MTCL1: variants seen among roughly 807,000 people sequenced by gnomAD.
MTCL1 encodes microtubule crosslinking factor 1.
A neutral mutation model predicts 141.4 loss-of-function variants in MTCL1; 79 were observed. That is an observed-to-expected ratio of 0.56 (90% CI 0.47 to 0.67). The LOEUF (loss-of-function observed/expected upper bound fraction) is 0.67. MTCL1 is among the 30% of genes least tolerant of loss of function. The pLI is 0.00. For missense variants in MTCL1, 2,177 were observed against 2,113.9 expected, an observed-to-expected ratio of 1.03 and a Z score of -0.59; for synonymous variants, 914 against 875.8, an observed-to-expected ratio of 1.04 and a Z score of -0.77.
chr18:8,821,542 G>A (rs752851869), intron 14 of MTCL1, 44 bp downstream of exon 13: 2 of 1,149,018 alleles, frequency 1.7e-6, no homozygotes, highest in East Asian at 2.5e-5. Flanking sequence ...GAATAAAAAT[G>A]TCTTGGTCTT....
At chr18:8,816,696 C>T (rs1180895402) in intron 12 of MTCL1, among the ~76,000 whole-genome samples, 2 of 129,768 alleles carry the variant, frequency 1.5e-5, no homozygotes, top group Non-Finnish European at 3.3e-5. Context: ...CTTTTAAAAA[C>T]TCCATTCTTT....
chr18:8,825,467 C>T (rs1293065428), exon 15 of MTCL1: 1 of 1,603,710 alleles, frequency 6.2e-7, no homozygotes, highest in Non-Finnish European at 8.5e-7. Flanking sequence ...CGATGGGGAC[C>T]CAGACTGTTC....
chr18:8,768,463 T>C (rs2096469480), intron 4 of MTCL1, among the ~76,000 whole-genome samples: 1 of 152,206 alleles, frequency 6.6e-6, no homozygotes, highest in Non-Finnish European at 1.5e-5. Flanking sequence ...TAAAGTCAAA[T>C]CAGAGGGTCT....
In MTCL1 at chr18:8,810,677, G is replaced by A. The variant is rs922495212; in HGVS notation, c.2605-2302G>A. Among the ~76,000 whole-genome samples, 1 of 152,140 alleles carries A rather than the reference G, an allele frequency of 6.6e-6. No homozygotes were observed. The highest frequency in any genetic ancestry group is 2.1e-4 in the South Asian group (1 of 4,816). On this transcript the variant is annotated intron_variant, in intron 11 of 16. Coordinates refer to ENST00000359865, the Ensembl canonical transcript of MTCL1. The surrounding 1 kb of genome is among the most constrained non-coding windows in gnomAD (Gnocchi z 5.0). ...AGCAGCTCTTTTAAACTGGGATTTT[G>A]TGGTGCTTGGTGCTTTTCTGGTAGT...
exon 15 of MTCL1, chr18:8,825,239 C>T: frequency 1.3e-6 from 2 of 1,596,522 alleles, no homozygotes; most frequent in South Asian, 1.1e-5. Flanking sequence ...GCACCTCCCC[C>T]AGGCACTCCC....
chr18:8,746,262 T>A (rs978344202), intron 4 of MTCL1, among the ~76,000 whole-genome samples: 4 of 152,214 alleles, frequency 2.6e-5, no homozygotes, highest in Non-Finnish European at 5.9e-5. Flanking sequence ...GGAAGTGGGA[T>A]TGCTGGATCA....
At chr18:8,776,286 T>G (rs2096508197) in intron 4 of MTCL1, among the ~76,000 whole-genome samples, 1 of 152,226 alleles carries the variant, frequency 6.6e-6, no homozygotes, top group South Asian at 2.1e-4. Context: ...CTAGCTTTCC[T>G]CAGGATTAAC....
At position 8,824,628 on chromosome 18, in the gene MTCL1, A is replaced by G. The variant is rs937252091; in HGVS notation, c.3189-71A>G. 4 of 1,339,546 alleles carry G rather than the reference A, an allele frequency of 3.0e-6. No homozygotes were observed. In the Admixed American group the frequency reaches 6.7e-5, roughly 23 times the overall value. 83.0% of individuals were successfully genotyped at this position (1,339,546 alleles called of 1,614,324 possible). A position where few individuals can be genotyped will look rare whatever the true frequency, so the allele number is the denominator to read the frequency against. ...TTCACTGACACTTCTCATGCAGGGC[A>G]GGACATGGGTGTTGTGGTGTGTCAG... On this transcript the variant is annotated intron_variant, in intron 14 of 16. Transcript: ENST00000359865.
At chr18:8,809,339 G>C in intron 11 of MTCL1, 1 of 1,351,610 alleles carries the variant, frequency 7.4e-7, no homozygotes, top group Non-Finnish European at 1.0e-6. Context: ...CATGTCCTCC[G>C]GTTATAAACA....
chr18:8,831,079 T>C lies in MTCL1; in HGVS notation c.*19-528T>C, dbSNP rs146039106. The C allele has an allele frequency of 1.0e-4, 102 of 986,000 alleles. No homozygotes were observed. In the East Asian group the frequency reaches 9.5e-3, roughly 92 times the overall value. 61.1% of individuals were successfully genotyped at this position (986,000 alleles called of 1,614,324 possible). ...GGGAGTTTGTTTAAGCTACTCCCAG[T>C]CAATTTCAAATAAACAGTAGCAGAG... On this transcript the variant is annotated intron_variant, in intron 16 of 16. Transcript: ENST00000359865.
chr18:8,772,032 C>T (rs1027345582), intron 4 of MTCL1, among the ~76,000 whole-genome samples: 1 of 152,224 alleles, frequency 6.6e-6, no homozygotes, highest in South Asian at 2.1e-4. Flanking sequence ...ACCCAGAGTC[C>T]GGTGGCATCT....
chr18:8,754,601 G>A (rs142061605), intron 4 of MTCL1, among the ~76,000 whole-genome samples: 9 of 152,256 alleles, frequency 5.9e-5, no homozygotes, highest in South Asian at 2.1e-4. Flanking sequence ...GAACCAAGTC[G>A]TTTTGTAAGA....
chr18:8,825,093 A>G (rs1303831623), exon 15 of MTCL1: 8 of 1,608,022 alleles, frequency 5.0e-6, no homozygotes, highest in Non-Finnish European at 6.8e-6. Flanking sequence ...CGTGTTACAC[A>G]GCCCGCCTGC....
intron 12 of MTCL1, among the ~76,000 whole-genome samples, chr18:8,818,523 GATTC>G (rs759671084): frequency 2.0e-5 from 3 of 152,330 alleles, no homozygotes; most frequent in African/African-American, 7.2e-5. Flanking sequence ...AGGAAAATCA[GATTC>G]ACACTCAGAA....
Position 8,718,405 on chromosome 18 carries a change from C to T in MTCL1, c.-27-19C>T, listed in dbSNP as rs553915877. The T allele has an allele frequency of 3.1e-6, 5 of 1,610,924 alleles. No individual in the cohort carries two copies. The East Asian group carries it at 6.7e-5, about 22-fold the overall frequency. On this transcript the variant is annotated intron_variant, in intron 2 of 16. Coordinates refer to ENST00000359865, the Ensembl canonical transcript of MTCL1. Reference sequence around the variant, plus strand: ...TTGATGTACTTGGCTCATAAATCTTCTCTGTCTGATTTGCATAGGATGAGT... The same window carrying T: ...TTGATGTACTTGGCTCATAAATCTTTTCTGTCTGATTTGCATAGGATGAGT...
At chr18:8,760,499 C>CA (rs2096426433) in intron 4 of MTCL1, among the ~76,000 whole-genome samples, 1 of 152,230 alleles carries the variant, frequency 6.6e-6, no homozygotes, top group South Asian at 2.1e-4. Flanking sequence ...GGGGTGGCCC[C>CA]ACTCACCTGC....
At chr18:8,814,338 G>A (rs1011647830) in intron 12 of MTCL1, among the ~76,000 whole-genome samples, 3 of 151,980 alleles carry the variant, frequency 2.0e-5, no homozygotes, top group Admixed American at 6.6e-5. Context: ...CCGAGACCCC[G>A]TCTCCAAAAA....
intron 1 of MTCL1, chr18:8,717,625 T>C (rs1255680692): frequency 6.6e-6 from 1 of 152,640 alleles, no homozygotes; most frequent in East Asian, 1.9e-4. Context: ...CACCTGTGTG[T>C]CTCCACTTAC....
chr18:8,806,753 C>T lies in MTCL1; in HGVS notation c.2437-140C>T, dbSNP rs1034455347. ...TCTTTGCTCCCCGGCTAACTGCAGA[C>T]TCCCCACCCACCCTGCACCCACTGC... On this transcript the variant is annotated intron_variant, in intron 10 of 16. Coordinates refer to ENST00000359865, the Ensembl canonical transcript of MTCL1. The T allele has an allele frequency of 1.2e-5, 9 of 770,378 alleles. No individual in the cohort carries two copies. In the Admixed American group the frequency reaches 1.6e-4, roughly 14 times the overall value. The allele number at this position is 770,378 out of a possible 1,614,324, so 47.7% of individuals were successfully genotyped here. A position where few individuals can be genotyped will look rare whatever the true frequency, so the allele number is the denominator to read the frequency against.
Sources: gnomAD v4.1 joint callset for allele counts (sites outside exome capture counted in the v4.1 genomes callset) on GRCh38, gnomAD v4.1.1 for gene constraint, Gnocchi (gnomAD v3.1) non-coding constraint, MANE v1.5 for transcripts, NCBI Gene and HGNC (gene_info 2026-07-23, HGNC 2026-07-21) for gene names.